The following GSDMD variants were observed in gnomAD, a reference collection of about 807,000 sequenced individuals.
GSDMD encodes the protein gasdermin-D.
GSDMD carries 46 observed loss-of-function variants against 46.7 expected under a neutral mutation model. The observed-to-expected ratio is 0.99, with a 90% confidence interval of 0.78 to 1.26. The LOEUF is 1.26. GSDMD is among the 50% of genes most tolerant of loss of function. The probability of loss-of-function intolerance (pLI) is 0.00; values close to 1 mark genes in which losing one functional copy is unlikely to be tolerated. For missense variants in GSDMD, 649 were observed against 638.8 expected (o/e 1.02, Z -0.17); for synonymous variants, 307 against 283.1 (o/e 1.08, Z -0.85).
Position 143,561,388 on chromosome 8 carries a change from A to G in GSDMD, c.701A>G (p.Asp234Gly), listed in dbSNP as rs1255506233. 5 of 1,610,838 alleles carry G rather than the reference A, an allele frequency of 3.1e-6. No homozygotes were observed. Among genetic ancestry groups the G allele is most frequent in the African/African-American group, 1.3e-5 (1 of 74,790 alleles). ...DSDLDVLLFP[D>G]KKQRTFQPPA... is the part of the protein sequence containing the mutation. ...CTGCCAGACGTCCTTCTCTTCCCGGATAAGAAGCAGAGGACCTTCCAGCCA... is the reference window on the plus strand; with the variant it reads ...CTGCCAGACGTCCTTCTCTTCCCGGGTAAGAAGCAGAGGACCTTCCAGCCA... The change falls in exon 6 of 11, where the codon GAT becomes GGT. Residue 234 changes from aspartate to glycine, a missense_variant. Transcript: ENST00000262580.
At position 143,562,313 on chromosome 8, in the gene GSDMD, C is replaced by T. The variant is rs1002221821; in HGVS notation, c.1101C>T (p.Leu367=). Residue 367 remains leucine (L), a synonymous_variant, in exon 9 of 11, where the codon CTC becomes CTT. Coordinates refer to ENST00000262580, the MANE Select transcript of GSDMD (RefSeq NM_024736.7). ...VLSSGMLVPE[L]AIPVVYLLGA... is the part of the protein sequence containing the mutation. Reference sequence around the variant, plus strand: ...CCTCCGGAATGCTGGTGCCGGAACTCGCTATCCCTGTTGTCTACCTGCTGG... The same window carrying T: ...CCTCCGGAATGCTGGTGCCGGAACTTGCTATCCCTGTTGTCTACCTGCTGG... The T allele has an allele frequency of 9.7e-6, 15 of 1,546,680 alleles. No individual in the cohort carries two copies. Among genetic ancestry groups the T allele is most frequent in the Middle Eastern group, 1.7e-4 (1 of 5,940 alleles).
intron 3 of GSDMD, chr8:143,560,327 G>A (rs1409966922): frequency 1.5e-6 from 1 of 685,218 alleles, no homozygotes; most frequent in Non-Finnish European, 2.7e-6. Context: ...ACCGGACTGA[G>A]CCCCAGGCTG....
chr8:143,559,488 A>C lies in GSDMD; in HGVS notation c.153A>C (p.Lys51Asn). 6.2e-7 allele frequency: 1 copy of C among 1,612,796 alleles called. No homozygotes were observed. Among genetic ancestry groups the C allele is most frequent in the Non-Finnish European group, 8.5e-7 (1 of 1,179,972 alleles). Residue 51 changes from lysine to asparagine, a missense_variant, in exon 2 of 11, where the codon AAA becomes AAC. Transcript: ENST00000262580. ...AGCCCTCAAGCTCATGGTTCTGGAA[A>C]CCCCGTTATAAGTGTGTCAACCTGT... The part of the protein sequence containing the change: ...VRKPSSSWFW[K>N]PRYKCVNLSI...
Position 143,562,516 on chromosome 8 carries a change from G to A in GSDMD, c.1207G>A (p.Glu403Lys), listed in dbSNP as rs144173624. The change falls in exon 10 of 11, where the codon GAG becomes AAG. Residue 403 changes from glutamate (E) to lysine (K), a missense_variant. By Grantham distance (56) the Glu-to-Lys change is moderately conservative. Transcript: ENST00000262580. ...LESQTLLGPLELVGSLLEQSA... is the reference protein window; with the variant it reads ...LESQTLLGPLKLVGSLLEQSA... ...GTCGCAGACCCTGTTGGGGCCGCTC[G>A]AGCTGGTGAGAGGGTTGGGTTCGGG... 1.2e-3 allele frequency: 1,955 copies of A among 1,606,736 alleles called. 17 individuals carry two copies. The African/African-American group carries it at 0.022, about 18-fold the overall frequency.
chr8:143,560,529 C>T lies in GSDMD; in HGVS notation c.411-74C>T, dbSNP rs1240955178. 21 of 1,454,426 alleles carry T rather than the reference C, an allele frequency of 1.4e-5. No homozygotes were observed. The African/African-American group carries it at 2.3e-4, about 16-fold the overall frequency. 90.1% of individuals were successfully genotyped at this position (1,454,426 alleles called of 1,614,324 possible). A position where few individuals can be genotyped will look rare whatever the true frequency, so the allele number is the denominator to read the frequency against. ...CCCTCTGCACCACCTCCCCCGGTGG[C>T]GTGGGGCTGTCAGGGGAGGGAAGAC... On this transcript the variant is annotated intron_variant, in intron 3 of 10. Transcript: ENST00000262580.
rs746665830 is a variant in GSDMD, at chr8:143,559,572, G to C, written c.217+20G>C. 2.8e-5 allele frequency: 45 copies of C among 1,607,390 alleles called. No individual in the cohort carries two copies. The highest frequency in any genetic ancestry group is 4.0e-5 in the African/African-American group (3 of 74,848). On this transcript the variant is annotated intron_variant, in intron 2 of 10. Transcript: ENST00000262580. Reference sequence around the variant, plus strand: ...AACCAGGTGCCTGATGTGGTGCTGAGGCAGAGCCCCAGGGAGGCTGGATGG... The same window carrying C: ...AACCAGGTGCCTGATGTGGTGCTGACGCAGAGCCCCAGGGAGGCTGGATGG...
Position 143,559,381 on chromosome 8 carries a change from C to T in GSDMD, c.46C>T (p.Leu16=). The T allele has an allele frequency of 6.2e-7, 1 of 1,611,828 alleles. No individual in the cohort carries two copies. The highest frequency in any genetic ancestry group is 8.5e-7 in the Non-Finnish European group (1 of 1,179,596). Residue 16 remains leucine, a synonymous_variant, in exon 2 of 11, where the codon CTG becomes TTG. Coordinates refer to ENST00000262580, the MANE Select transcript of GSDMD (RefSeq NM_024736.7). ...ERVVRRVVQE[L]DHGGEFIPVT... The stretch of plus-strand genomic sequence containing the variant: ...GGTAGTCCGGAGAGTGGTCCAGGAG[C>T]TGGACCATGGTGGGGAGTTCATCCC...
Position 143,560,070 on chromosome 8 carries a change from T to C in GSDMD, c.410+101T>C, listed in dbSNP as rs117862780. 5,084 of 1,176,800 alleles carry C rather than the reference T, an allele frequency of 4.3e-3. 149 individuals carry two copies. In the Admixed American group the frequency reaches 0.057, roughly 13 times the overall value. 72.9% of individuals were successfully genotyped at this position (1,176,800 alleles called of 1,614,324 possible). On this transcript the variant is annotated intron_variant, in intron 3 of 10. Transcript: ENST00000262580. ...TAAATTATTTTTTGAGGTGAGGTTT[T>C]GCTATCTCGGCCAGGGTGGTCTTGA...
At chr8:143,558,754 C>G (rs1278789329) in intron 1 of GSDMD, 3 of 618,846 alleles carry the variant, frequency 4.8e-6, no homozygotes, top group African/African-American at 1.8e-5. Context: ...AGACCCAGCA[C>G]TCAGAGGCTT....
upstream of GSDMD, among the ~76,000 whole-genome samples, chr8:143,556,182 G>T (rs1385361908): frequency 6.6e-6 from 1 of 152,054 alleles, no homozygotes; most frequent in Non-Finnish European, 1.5e-5. Flanking sequence ...TTGCACTCCA[G>T]TCTGGGCAAA....
rs758082787 is a variant in GSDMD at position 143,562,113 on chromosome 8, G to A, written c.978G>A (p.Leu326=). 6.3e-7 allele frequency: 1 copy of A among 1,597,628 alleles called. No individual in the cohort carries two copies. The highest frequency in any genetic ancestry group is 1.3e-5 in the African/African-American group (1 of 74,886). Residue 326 remains leucine (L), a synonymous_variant, in exon 8 of 11, where the codon CTG becomes CTA. Coordinates refer to ENST00000262580, the MANE Select transcript of GSDMD (RefSeq NM_024736.7). ...LEGVLRDQLA[L]RALEEALEQG... ...GGGTGCTGCGGGACCAGCTGGCCCT[G>A]CGAGCCTTGGAGGAGGCGGTGAGCG...
rs770905851 is a variant in GSDMD at position 143,562,842 on chromosome 8, C to T, written c.1393C>T (p.Arg465Cys). 1.1e-5 allele frequency: 18 copies of T among 1,611,916 alleles called. No homozygotes were observed. The highest frequency in any genetic ancestry group is 2.2e-5 in the South Asian group (2 of 90,906). Residue 465 changes from arginine (R) to cysteine (C), a missense_variant, in exon 11 of 11, where the codon CGC becomes TGC. By Grantham distance (180) the Arg-to-Cys change is radical (BLOSUM62 -3). Coordinates refer to ENST00000262580, the MANE Select transcript of GSDMD (RefSeq NM_024736.7). ...GTGCTGGGAGCCGCAGGCCCAGGGC[C>T]GCATGTGTGCACTCTACGCCTCCCT... ...HVCWEPQAQG[R>C]MCALYASLAL...
chr8:143,559,270 C>T, intron 1 of GSDMD, 62 bp from the exon 2 acceptor site: 1 of 675,862 alleles, frequency 1.5e-6, no homozygotes, highest in South Asian at 1.7e-5. Flanking sequence ...AGTACTGACC[C>T]TTCTCCCACT....
chr8:143,559,456 G>T lies in GSDMD; in HGVS notation c.121G>T (p.Val41Phe). ...STGFQPYCLV[V>F]RKPSSSWFWK... Reference sequence around the variant, plus strand: ...TGGCTTCCAGCCCTACTGCCTGGTGGTTAGGAAGCCCTCAAGCTCATGGTT... The same window carrying T: ...TGGCTTCCAGCCCTACTGCCTGGTGTTTAGGAAGCCCTCAAGCTCATGGTT... Residue 41 changes from valine (V) to phenylalanine (F), a missense_variant, in exon 2 of 11, where the codon GTT (valine) becomes TTT (phenylalanine). Coordinates refer to ENST00000262580, the MANE Select transcript of GSDMD (RefSeq NM_024736.7). 1.2e-6 allele frequency: 2 copies of T among 1,612,930 alleles called. No homozygotes were observed. The highest frequency in any genetic ancestry group is 2.7e-5 in the African/African-American group (2 of 75,062).
At chr8:143,560,003 C>G (rs747014590) in intron 3 of GSDMD, 34 bp downstream of exon 3, 3 of 1,533,674 alleles carry the variant, frequency 2.0e-6, no homozygotes, top group Admixed American at 1.8e-5. Context: ...GGGCAGGGCC[C>G]CACCTACCCC....
At chr8:143,557,375 A>ACGACGGATGCTGCCGCTT (rs1823325007), upstream of GSDMD, among the ~76,000 whole-genome samples, 5 of 71,594 alleles carry the variant, frequency 7.0e-5, no homozygotes, top group African/African-American at 2.4e-4. Context: ...TGCTGCCGCT[A>ACGACGGATGCTGCCGCTT]TGGCGAAGGA....
intron 1 of GSDMD, chr8:143,559,010 A>T: frequency 7.1e-6 from 3 of 421,248 alleles, no homozygotes; most frequent in Non-Finnish European, 1.3e-5. Flanking sequence ...AGGAGGTGAC[A>T]GCTTGTTTCC....
chr8:143,554,542 A>G (rs1000841038), upstream of GSDMD, among the ~76,000 whole-genome samples: 4 of 151,146 alleles, frequency 2.6e-5, no homozygotes. Context: ...AACGCACACA[A>G]CACGCACGTG....
At chr8:143,560,895 C>T (rs760615946) in intron 4 of GSDMD, 107 bp from the exon 5 acceptor site, 5 of 1,429,758 alleles carry the variant, frequency 3.5e-6, no homozygotes, top group Middle Eastern at 1.9e-4. Context: ...CGCTTGGCTG[C>T]GGAGCCGAAG....
Sources: allele counts gnomAD v4.1 joint callset (sites outside exome capture counted in the v4.1 genomes callset), GRCh38; gene constraint gnomAD v4.1.1; transcripts MANE v1.5; gene names NCBI Gene and HGNC (gene_info 2026-07-23, HGNC 2026-07-21).